Variants in COL9A1 observed in about 807,000 individuals in gnomAD.
COL9A1 encodes collagen alpha-1(IX) chain.
COL9A1 carries 104 observed loss-of-function variants against 142.6 expected under a neutral mutation model. The ratio of observed to expected loss-of-function variants is 0.73; its 90% CI spans 0.62 to 0.86. COL9A1 has a LOEUF of 0.86. Among genes scored for constraint, COL9A1 ranks in the 40% least tolerant of loss-of-function variants. The pLI, the probability that COL9A1 is intolerant of heterozygous loss-of-function variation, is 0.00. For missense variants in COL9A1, 1,210 were observed against 1,176.6 expected, an observed-to-expected ratio of 1.03 and a Z score of -0.42; for synonymous variants, 466 against 396.0, an observed-to-expected ratio of 1.18 and a Z score of -2.10.
At position 70,294,325 on chromosome 6, in the gene COL9A1, A is replaced by G. The variant is rs756232779; in HGVS notation, c.538T>C (p.Trp180Arg). The change falls in exon 5 of 38, where the codon TGG becomes CGG. Residue 180 changes from tryptophan (W) to arginine (R), a missense_variant. By Grantham distance (101) the Trp-to-Arg change is moderately radical (BLOSUM62 -3). Transcript: ENST00000357250. ...TCCACGCCAATCATGATCTTATGCCACTGGGAATCAAACAAGGAGGACAAA... is the reference window on the plus strand; with the variant it reads ...TCCACGCCAATCATGATCTTATGCCGCTGGGAATCAAACAAGGAGGACAAA... ...SNLSSLFDSQ[W>R]HKIMIGVERS... is the part of the protein sequence containing the mutation. The G allele has an allele frequency of 6.2e-7, 1 of 1,614,080 alleles. No homozygotes were observed. The highest frequency in any genetic ancestry group is 1.1e-5 in the South Asian group (1 of 91,074).
At chr6:70,244,060 C>A (rs899864747) in intron 28 of COL9A1, among the ~76,000 whole-genome samples, 1 of 152,164 alleles carries the variant, frequency 6.6e-6, no homozygotes, top group African/African-American at 2.4e-5. Context: ...GTGTAAAGAT[C>A]CATAAACCTT....
intron 4 of COL9A1, 90 bp from the exon 5 acceptor site, chr6:70,294,653 C>A: frequency 8.1e-7 from 1 of 1,234,132 alleles, no homozygotes; most frequent in Admixed American, 1.7e-5. Flanking sequence ...ATTTTAGATG[C>A]CAGACCTATA....
chr6:70,250,773 G>T (rs1048168190), intron 28 of COL9A1, among the ~76,000 whole-genome samples: 2 of 152,200 alleles, frequency 1.3e-5, no homozygotes, highest in Non-Finnish European at 2.9e-5. Flanking sequence ...GAAACTGAAG[G>T]CCAGAGAGAA....
At chr6:70,294,028 C>G in intron 5 of COL9A1, 139 bp downstream of exon 5, 1 of 1,149,346 alleles carries the variant, frequency 8.7e-7, no homozygotes, top group Non-Finnish European at 1.3e-6. Flanking sequence ...AGACCAGAAG[C>G]TATCTACTTA....
At chr6:70,255,988 T>G (rs1771263943) in intron 21 of COL9A1, among the ~76,000 whole-genome samples, 1 of 152,210 alleles carries the variant, frequency 6.6e-6, no homozygotes, top group South Asian at 2.1e-4. Context: ...CTCCATTATG[T>G]ATCTCTACCT....
In COL9A1 at chr6:70,294,155, T is replaced by C; in HGVS notation, c.696+12A>G. 1 of 1,613,944 alleles carries C rather than the reference T, an allele frequency of 6.2e-7. No individual in the cohort carries two copies. The highest frequency in any genetic ancestry group is 8.5e-7 in the Non-Finnish European group (1 of 1,179,876). ...TGCTTTAATCTGCCATAGTGTGTGGTTTTATACTTACTGGAACAGAAACTT... is the reference window on the plus strand; with the variant it reads ...TGCTTTAATCTGCCATAGTGTGTGGCTTTATACTTACTGGAACAGAAACTT... On this transcript the variant is annotated intron_variant, in intron 5 of 37. Transcript: ENST00000357250.
intron 36 of COL9A1, among the ~76,000 whole-genome samples, chr6:70,227,474 G>T (rs13201224): frequency 3.1e-4 from 41 of 133,966 alleles, no homozygotes; most frequent in Non-Finnish European, 5.4e-4. Context: ...CTATAAGATC[G>T]GCAAAAATTC....
Position 70,266,786 on chromosome 6 carries a change from T to C in COL9A1, c.1288-16A>G, listed in dbSNP as rs1193379635. 1.2e-6 allele frequency: 2 copies of C among 1,609,396 alleles called. No homozygotes were observed. Among genetic ancestry groups the C allele is most frequent in the African/African-American group, 2.7e-5 (2 of 74,792 alleles). On this transcript the variant is annotated splice_polypyrimidine_tract_variant and intron_variant, in intron 17 of 37. Coordinates refer to ENST00000357250, the MANE Select transcript of COL9A1 (RefSeq NM_001851.6). ...CTTTATGACCCTAACAAATGCAAAA[T>C]AAGTAATTGTCTTGAGTTTGGTACA...
intron 24 of COL9A1, 72 bp downstream of exon 24, chr6:70,254,891 T>C (rs1771176347): frequency 7.2e-7 from 1 of 1,388,348 alleles, no homozygotes. Flanking sequence ...GATTTAGTAA[T>C]GGAAATGCCA....
chr6:70,293,774 A>G (rs947661365), intron 5 of COL9A1, among the ~76,000 whole-genome samples: 3 of 151,916 alleles, frequency 2.0e-5, no homozygotes, highest in African/African-American at 7.3e-5. Flanking sequence ...CCTCAGCTAT[A>G]ATGTACTTTC....
intron 37 of COL9A1, among the ~76,000 whole-genome samples, chr6:70,223,581 T>C (rs973599163): frequency 1.3e-5 from 2 of 152,208 alleles, no homozygotes; most frequent in African/African-American, 4.8e-5. Context: ...CTTGACTGAC[T>C]TGAGCATATG....
At chr6:70,254,153 G>A (rs760438873) in intron 25 of COL9A1, among the ~76,000 whole-genome samples, 31 of 151,964 alleles carry the variant, frequency 2.0e-4, no homozygotes, top group Non-Finnish European at 1.0e-4. Flanking sequence ...CTTTAGAACC[G>A]GTTTAAAGTG....
intron 28 of COL9A1, among the ~76,000 whole-genome samples, chr6:70,249,418 G>A (rs144323232): frequency 6.6e-6 from 1 of 152,238 alleles, no homozygotes; most frequent in African/African-American, 2.4e-5. Flanking sequence ...CCCAGCCCAA[G>A]TTGCAGCAAT....
At chr6:70,254,674 G>T in intron 24 of COL9A1, 145 bp from the exon 25 acceptor site, 1 of 751,742 alleles carries the variant, frequency 1.3e-6, no homozygotes. Flanking sequence ...ACTTAATTTA[G>T]GGTGGGGGAG....
Position 70,242,020 on chromosome 6 carries a change from G to C in COL9A1, c.1942C>G (p.Pro648Ala), listed in dbSNP as rs1030380513. The C allele has an allele frequency of 1.9e-6, 3 of 1,596,848 alleles. No individual in the cohort carries two copies. In the South Asian group the frequency reaches 3.4e-5, roughly 18 times the overall value. The change falls in exon 30 of 38, where the codon CCT becomes GCT. Residue 648 changes from proline (P) to alanine (A), a missense_variant. Transcript: ENST00000357250. The part of the protein sequence containing the change: ...LPGKLGSLGS[P>A]GLPGLPGPPG... ...GGCCCAGGCAAGCCAGGGAGGCCAG[G>C]GCTACCCAGAGAACCCTGGAAAGCA...
At chr6:70,264,767 A>G (rs905590855) in intron 18 of COL9A1, among the ~76,000 whole-genome samples, 1 of 152,116 alleles carries the variant, frequency 6.6e-6, no homozygotes, top group African/African-American at 2.4e-5. Flanking sequence ...TGATTTTTGC[A>G]TAAGTATTGA....
At chr6:70,245,066 T>A (rs1770508422) in intron 28 of COL9A1, among the ~76,000 whole-genome samples, 1 of 152,214 alleles carries the variant, frequency 6.6e-6, no homozygotes, top group African/African-American at 2.4e-5. Flanking sequence ...CTATAAATCC[T>A]TGGCCATTCT....
Position 70,234,931 on chromosome 6 carries a change from G to T in COL9A1, c.2122C>A (p.Pro708Thr). The stretch of plus-strand genomic sequence containing the variant: ...GGCCCTCTCAAGCCAGGTTCCCCAG[G>T]ATTACCTGCCTGGAACACAATTGCA... ...LPGPKGSAGNPGEPGLRGPEG... is the reference protein window; with the variant it reads ...LPGPKGSAGNTGEPGLRGPEG... Residue 708 changes from proline to threonine, a missense_variant, in exon 34 of 38, where the codon CCT becomes ACT. Transcript: ENST00000357250. 6.2e-7 allele frequency: 1 copy of T among 1,614,126 alleles called. No individual in the cohort carries two copies. The highest frequency in any genetic ancestry group is 8.5e-7 in the Non-Finnish European group (1 of 1,180,034).
In COL9A1 at chr6:70,268,799, C is replaced by A; in HGVS notation, c.1287+5G>T. The A allele has an allele frequency of 6.2e-7, 1 of 1,613,124 alleles. No individual in the cohort carries two copies. Among genetic ancestry groups the A allele is most frequent in the Non-Finnish European group, 8.5e-7 (1 of 1,179,234 alleles). On this transcript the variant is annotated splice_donor_5th_base_variant and intron_variant, in intron 17 of 37. Transcript: ENST00000357250. ...CTCTTAAAATACTGGAAGTTATTCTCTTACCCTCATGCCTGGTAGGCCTGG... is the reference window on the plus strand; with the variant it reads ...CTCTTAAAATACTGGAAGTTATTCTATTACCCTCATGCCTGGTAGGCCTGG...
Sources: allele counts gnomAD v4.1 joint callset (sites outside exome capture counted in the v4.1 genomes callset), GRCh38; gene constraint gnomAD v4.1.1; transcripts MANE v1.5; gene names NCBI Gene and HGNC (gene_info 2026-07-23, HGNC 2026-07-21).